Variants in CLU observed in about 807,000 individuals in gnomAD.
The protein encoded by CLU is aging-associated protein 4.
Under a neutral mutation model 46.4 loss-of-function variants are expected in CLU, and 25 were observed. The ratio of observed to expected loss-of-function variants is 0.54; its 90% CI spans 0.39 to 0.75. CLU has a LOEUF of 0.75. CLU is among the 30% of genes least tolerant of loss of function. The probability of loss-of-function intolerance (pLI) is 0.00; values close to 1 mark genes in which losing one functional copy is unlikely to be tolerated. For missense variants in CLU, 504 were observed against 592.1 expected (o/e 0.85, Z 1.54); for synonymous variants, 235 against 235.1 (o/e 1.00, Z 0.00).
In CLU at chr8:27,599,505, G is replaced by C. The variant is rs1585250668; in HGVS notation, c.1164+275C>G. 4.2e-6 allele frequency: 2 copies of C among 479,076 alleles called. No individual in the cohort carries two copies. The highest frequency in any genetic ancestry group is 7.8e-5 in the East Asian group (2 of 25,608). 29.7% of individuals were successfully genotyped at this position (479,076 alleles called of 1,614,324 possible). A position where few individuals can be genotyped will look rare whatever the true frequency, so the allele number is the denominator to read the frequency against. On this transcript the variant is annotated intron_variant, in intron 7 of 8. Transcript: ENST00000316403. The surrounding 1 kb of genome is among the most constrained non-coding windows in gnomAD (Gnocchi z 4.0). ...ACAAAAACAACAACAACAAAATACA[G>C]GCTTGGCAGCCAGGCAGTCAGGTTC...
chr8:27,602,078 G>A (rs569093546), intron 6 of CLU, among the ~76,000 whole-genome samples: 11 of 152,282 alleles, frequency 7.2e-5, no homozygotes, highest in South Asian at 4.1e-4. Flanking sequence ...GTGATAGAGC[G>A]AGACCCTGTC....
rs757292297 is a variant in CLU, at chr8:27,609,117, G to A, written c.98-31C>T. Reference sequence around the variant, plus strand: ...AGAGAAGTGCAAGAGGCAGAATGAGGCGAGAGGAAGAGGTGGCCTCAGGAC... The same window carrying A: ...AGAGAAGTGCAAGAGGCAGAATGAGACGAGAGGAAGAGGTGGCCTCAGGAC... On this transcript the variant is annotated intron_variant, in intron 2 of 8. Coordinates refer to ENST00000316403, the MANE Select transcript of CLU (RefSeq NM_001831.4). 3.1e-6 allele frequency: 5 copies of A among 1,611,842 alleles called. No homozygotes were observed. In the Admixed American group the frequency reaches 6.7e-5, roughly 21 times the overall value.
chr8:27,604,437 G>A (rs1398955207), intron 5 of CLU, 42 bp from the exon 6 acceptor site: 1 of 1,442,358 alleles, frequency 6.9e-7, no homozygotes. Context: ...ATCCAGCCAT[G>A]CAGAGATGGA....
Position 27,606,443 on chromosome 8 carries a change from A to C in CLU, c.328T>G (p.Trp110Gly). 6.2e-7 allele frequency: 1 copy of C among 1,614,234 alleles called. No individual in the cohort carries two copies. The highest frequency in any genetic ancestry group is 1.7e-5 in the Admixed American group (1 of 60,028). Residue 110 changes from tryptophan to glycine, a missense_variant, in exon 4 of 9, where the codon TGG (tryptophan) becomes GGG (glycine). Coordinates refer to ENST00000316403, the MANE Select transcript of CLU (RefSeq NM_001831.4). ...TTCAGGCAGGGCTTACACTCTTCCC[A>C]GAGGGCCATCATGGTCTCATTGCAC... ...GVCNETMMAL[W>G]EECKPCLKQT...
intron 1 of CLU, among the ~76,000 whole-genome samples, chr8:27,612,331 G>A (rs9331884): frequency 0.026 from 3,907 of 152,238 alleles, 167 homozygotes; most frequent in African/African-American, 0.088. Flanking sequence ...CTGAGCCTCA[G>A]TTTCTTCATC....
Position 27,606,470 on chromosome 8 carries a change from C to T in CLU, c.301G>A (p.Val101Met), listed in dbSNP as rs769302852. ...AGGGCCATCATGGTCTCATTGCACA[C>T]TCCTGGGAGCTCCTTCAGCTTTGTC... is the stretch of plus-strand genomic sequence containing the variant. ...SETKLKELPGVCNETMMALWE... is the reference protein window; with the variant it reads ...SETKLKELPGMCNETMMALWE... The change falls in exon 4 of 9, where the codon GTG becomes ATG. Residue 101 changes from valine (V) to methionine (M), a missense_variant. Val to Met is a conservative substitution (Grantham distance 21). This residue lies in a region of CLU where 428 missense variants were observed against 484.0 expected (regional missense o/e 0.88). Coordinates refer to ENST00000316403, the MANE Select transcript of CLU (RefSeq NM_001831.4). The T allele has an allele frequency of 6.2e-7, 1 of 1,614,252 alleles. No individual in the cohort carries two copies. Among genetic ancestry groups the T allele is most frequent in the Admixed American group, 1.7e-5 (1 of 60,034 alleles).
intron 1 of CLU, chr8:27,614,301 G>A (rs1800977039): frequency 4.9e-6 from 1 of 204,494 alleles, no homozygotes. Flanking sequence ...GCTCGGTGCA[G>A]GCCAGCTCTG....
chr8:27,612,714 C>T (rs2128910759), intron 1 of CLU, among the ~76,000 whole-genome samples: 1 of 152,130 alleles, frequency 6.6e-6, no homozygotes, highest in Middle Eastern at 3.4e-3. Context: ...CAGCCGACCT[C>T]CTTTCCTTTG....
chr8:27,606,268 A>G, intron 4 of CLU, 86 bp downstream of exon 4: 5 of 1,463,490 alleles, frequency 3.4e-6, no homozygotes, highest in South Asian at 1.1e-5. Context: ...AATCAATTGC[A>G]TCTGGCATGC....
chr8:27,610,330 G>GA (rs1800899850), intron 2 of CLU, 145 bp downstream of exon 2: 1 of 731,430 alleles, frequency 1.4e-6, no homozygotes, highest in Admixed American at 1.9e-5. Flanking sequence ...AGTGGGCCCA[G>GA]ACACAGGCAC....
chr8:27,604,747 G>A (rs1315632754), intron 5 of CLU, among the ~76,000 whole-genome samples, 177 bp downstream of exon 5: 1 of 152,168 alleles, frequency 6.6e-6, no homozygotes, highest in Non-Finnish European at 1.5e-5. Flanking sequence ...TCAAAGTGCT[G>A]GCATCACAGG....
At chr8:27,602,851 G>C (rs9331928) in intron 6 of CLU, among the ~76,000 whole-genome samples, 54,090 of 151,938 alleles carry the variant, frequency 0.36, 10,563 homozygotes, top group East Asian at 0.77. Context: ...GATTACTTGA[G>C]GTCAGGAGTT....
rs1206761663 is a variant in CLU, at chr8:27,604,325, G to C, written c.900C>G (p.Asp300Glu). The C allele has an allele frequency of 2.5e-6, 4 of 1,614,154 alleles. No homozygotes were observed. Among genetic ancestry groups the C allele is most frequent in the South Asian group, 1.1e-5 (1 of 91,088 alleles). The change falls in exon 6 of 9, where the codon GAC becomes GAG. Residue 300 changes from aspartate (D) to glutamate (E), a missense_variant. By Grantham distance (45) the Asp-to-Glu change is conservative. Around this residue, in one of 3 missense-constraint regions of CLU, gnomAD observed 428 missense variants for 484.0 expected, o/e 0.88. Transcript: ENST00000316403. ...AGATCTCCCGGCACTTGTCACACTG[G>C]TCCTTCATCCGCAGGCAGCCCGTGG... is the stretch of plus-strand genomic sequence containing the variant. ...HNSTGCLRMKDQCDKCREILS... is the reference protein window; with the variant it reads ...HNSTGCLRMKEQCDKCREILS...
chr8:27,604,915 C>A lies in CLU; in HGVS notation c.829+9G>T. ...GCTCAAAAGGCCATGAGCTTCCACC[C>A]CTTCTCACCTCGTATGAATTCTGTT... On this transcript the variant is annotated intron_variant, in intron 5 of 8. Transcript: ENST00000316403. The A allele has an allele frequency of 6.2e-7, 1 of 1,614,174 alleles. No homozygotes were observed.
chr8:27,598,781 T>A, intron 7 of CLU, 146 bp from the exon 8 acceptor site: 1 of 745,946 alleles, frequency 1.3e-6, no homozygotes, highest in Non-Finnish European at 2.3e-6. Flanking sequence ...CTTATACATC[T>A]AGACGTAAGT....
chr8:27,598,399 T>A, intron 8 of CLU, 61 bp downstream of exon 8: 1 of 1,610,948 alleles, frequency 6.2e-7, no homozygotes, highest in Non-Finnish European at 8.5e-7. Flanking sequence ...TGTTTGTTTT[T>A]TTGTGGCTCC....
chr8:27,599,452 T>C lies in CLU; in HGVS notation c.1164+328A>G. 2.8e-6 allele frequency: 1 copy of C among 355,762 alleles called. No individual in the cohort carries two copies. Among genetic ancestry groups the C allele is most frequent in the Non-Finnish European group, 5.3e-6 (1 of 187,552 alleles). The allele number at this position is 355,762 out of a possible 1,614,324, so 22.0% of individuals were successfully genotyped here. Reference sequence around the variant, plus strand: ...GCTTTGAGAAAAGAACAGAGGCTTCTGGTTTATTCACAGATTTGTGCACCA... The same window carrying C: ...GCTTTGAGAAAAGAACAGAGGCTTCCGGTTTATTCACAGATTTGTGCACCA... On this transcript the variant is annotated intron_variant, in intron 7 of 8. Coordinates refer to ENST00000316403, the MANE Select transcript of CLU (RefSeq NM_001831.4). The surrounding 1 kb of genome is among the most constrained non-coding windows in gnomAD (Gnocchi z 4.0).
chr8:27,609,110 G>A (rs763996559), intron 2 of CLU, 24 bp from the exon 3 acceptor site: 1 of 1,612,672 alleles, frequency 6.2e-7, no homozygotes, highest in Admixed American at 1.7e-5. Context: ...GCAAGAGGCA[G>A]AATGAGGCGA....
chr8:27,603,642 A>G (rs1338356662), intron 6 of CLU, among the ~76,000 whole-genome samples: 1 of 152,168 alleles, frequency 6.6e-6, no homozygotes, highest in Non-Finnish European at 1.5e-5. Context: ...CAACCAACCG[A>G]CCAAAGGGAC....
Sources: allele counts gnomAD v4.1 joint callset (sites outside exome capture counted in the v4.1 genomes callset), GRCh38; gene constraint gnomAD v4.1.1; regional missense constraint gnomAD v4.1.1; non-coding constraint Gnocchi (gnomAD v3.1); transcripts MANE v1.5; gene names NCBI Gene and HGNC (gene_info 2026-07-23, HGNC 2026-07-21).